EML5: variants seen among roughly 807,000 people sequenced by gnomAD.
EML5 encodes the protein echinoderm microtubule-associated protein-like 5.
EML5 carries 120 observed loss-of-function variants against 250.0 expected under a neutral mutation model. That is an observed-to-expected ratio of 0.48 (90% CI 0.41 to 0.56). EML5 has a LOEUF of 0.56. Among genes scored for constraint, EML5 ranks in the 20% least tolerant of loss-of-function variants. The pLI, the probability that EML5 is intolerant of heterozygous loss-of-function variation, is 0.00. For missense variants in EML5, 2,006 were observed against 2,437.6 expected, an observed-to-expected ratio of 0.82 and a Z score of 3.73; for synonymous variants, 771 against 806.5, an observed-to-expected ratio of 0.96 and a Z score of 0.75.
At chr14:88,656,839 G>A (rs2091890828) in intron 27 of EML5, among the ~76,000 whole-genome samples, 2 of 152,054 alleles carry the variant, frequency 1.3e-5, no homozygotes. Flanking sequence ...AAAGTACTCG[G>A]TATTGGATTC....
At chr14:88,637,554 C>T (rs372332334) in intron 32 of EML5, among the ~76,000 whole-genome samples, 47 of 152,262 alleles carry the variant, frequency 3.1e-4, no homozygotes, top group African/African-American at 1.0e-3. Flanking sequence ...ATTTGCAGAA[C>T]GTAAATCCCA....
At chr14:88,666,995 A>G (rs2092326414) in intron 21 of EML5, among the ~76,000 whole-genome samples, 1 of 151,986 alleles carries the variant, frequency 6.6e-6, no homozygotes, top group Non-Finnish European at 1.5e-5. Context: ...GGATTTGGAT[A>G]TATTTCAAAG....
At chr14:88,637,321 G>A (rs1482204702) in intron 32 of EML5, among the ~76,000 whole-genome samples, 1 of 151,926 alleles carries the variant, frequency 6.6e-6, no homozygotes, top group African/African-American at 2.4e-5. Context: ...GAAAGAGGAG[G>A]GATATAATTA....
chr14:88,789,978 C>A (rs2094589428), intron 1 of EML5, among the ~76,000 whole-genome samples: 1 of 152,212 alleles, frequency 6.6e-6, no homozygotes, highest in Admixed American at 6.5e-5. Flanking sequence ...CATTGGTTTT[C>A]ACTATGCATC....
intron 1 of EML5, among the ~76,000 whole-genome samples, chr14:88,788,890 T>C (rs1438526124): frequency 8.9e-6 from 1 of 112,264 alleles, no homozygotes; most frequent in East Asian, 3.7e-4. Context: ...AGAGACCCCA[T>C]CTTTACCGAA....
rs74755567 is a variant in EML5, at chr14:88,717,326, C to A, written c.1188-2131G>T. Among the ~76,000 whole-genome samples the A allele has an allele frequency of 0.014, 2,140 of 152,260 alleles. 115 individuals are homozygous for A. In the East Asian group the frequency reaches 0.19, roughly 14 times the overall value. The stretch of plus-strand genomic sequence containing the variant: ...AGTTGAATGGACACAAACAAGGGGA[C>A]TTTGGTGTGAACTCAGTCTGCTGAG... On this transcript the variant is annotated intron_variant, in intron 8 of 43. Transcript: ENST00000554922.
Position 88,714,996 on chromosome 14 carries a change from T to C in EML5, c.1387A>G (p.Ser463Gly), listed in dbSNP as rs927246983. ...CCATCATTTGTCTGCAAATATCTAC[T>C]GTCTGAAGACCAGTCCAGATGAGTG... ...FITHLDWSSD[S>G]RYLQTNDGNG... The change falls in exon 9 of 44, where the codon AGT (serine) becomes GGT (glycine). Residue 463 changes from serine (S) to glycine (G), a missense_variant. Coordinates refer to ENST00000554922, the MANE Select transcript of EML5 (RefSeq NM_183387.3). The C allele has an allele frequency of 4.3e-6, 7 of 1,613,682 alleles. No homozygotes were observed. Among genetic ancestry groups the C allele is most frequent in the African/African-American group, 1.3e-5 (1 of 74,934 alleles).
chr14:88,682,422 G>A (rs954438183), intron 20 of EML5, among the ~76,000 whole-genome samples: 1 of 149,930 alleles, frequency 6.7e-6, no homozygotes, highest in South Asian at 2.1e-4. Flanking sequence ...AAAAAAAAAC[G>A]CAAGCATTTA....
intron 6 of EML5, among the ~76,000 whole-genome samples, chr14:88,737,694 T>C (rs958601848): frequency 2.0e-5 from 3 of 152,258 alleles, no homozygotes; most frequent in African/African-American, 7.2e-5. Context: ...ATTGTCCATG[T>C]TGTTTTCTAC....
At chr14:88,616,361 A>C in intron 42 of EML5, 119 bp from the exon 43 acceptor site, 1 of 965,096 alleles carries the variant, frequency 1.0e-6, no homozygotes, top group Non-Finnish European at 1.6e-6. Context: ...TTAGCACCGC[A>C]GCCAGTGATT....
chr14:88,651,478 G>A (rs189441742), intron 27 of EML5, among the ~76,000 whole-genome samples: 50 of 151,956 alleles, frequency 3.3e-4, no homozygotes, highest in Non-Finnish European at 5.7e-4. Context: ...GTGTTTTACC[G>A]TGAATGAAGC....
At chr14:88,757,221 G>C (rs959841095) in intron 1 of EML5, among the ~76,000 whole-genome samples, 1 of 152,046 alleles carries the variant, frequency 6.6e-6, no homozygotes, top group East Asian at 1.9e-4. Flanking sequence ...AATTCAATGG[G>C]GGATAAAATG....
Position 88,726,647 on chromosome 14 carries a change from C to T in EML5, c.1081G>A (p.Ala361Thr). The T allele has an allele frequency of 6.4e-7, 1 of 1,560,542 alleles. No individual in the cohort carries two copies. Reference sequence around the variant, plus strand: ...ATTGGTTCTTCCATATTACACCTTGCTATTAATGCATGATCTACTAGGCTC... The same window carrying T: ...ATTGGTTCTTCCATATTACACCTTGTTATTAATGCATGATCTACTAGGCTC... Reference protein sequence around the residue: ...IWSLVDHALIARCNMEEPIRC... With the variant: ...IWSLVDHALITRCNMEEPIRC... The change falls in exon 8 of 44, where the codon GCA becomes ACA. Residue 361 changes from alanine to threonine, a missense_variant. By Grantham distance (58) the Ala-to-Thr change is moderately conservative. Coordinates refer to ENST00000554922, the MANE Select transcript of EML5 (RefSeq NM_183387.3).
At chr14:88,765,170 C>T (rs1179225240) in intron 1 of EML5, among the ~76,000 whole-genome samples, 1 of 152,176 alleles carries the variant, frequency 6.6e-6, no homozygotes, top group Non-Finnish European at 1.5e-5. Flanking sequence ...AGCTTATTAT[C>T]TCCCAGTTCT....
At position 88,616,159 on chromosome 14, in the gene EML5, A is replaced by G. The variant is rs745892522; in HGVS notation, c.5880T>C (p.Ala1960=). 6.2e-7 allele frequency: 1 copy of G among 1,613,788 alleles called. No individual in the cohort carries two copies. The highest frequency in any genetic ancestry group is 8.5e-7 in the Non-Finnish European group (1 of 1,179,814). ...TTACTAACCTGCAGTCATCACCTCC[A>G]GCACTAACAACATGTCGATCACCAC... The part of the protein sequence containing the change: ...FTSGDRHVVS[A]GGDDCSLFVW... Residue 1960 remains alanine, a synonymous_variant, in exon 43 of 44, where the codon GCT becomes GCC. Transcript: ENST00000554922.
intron 11 of EML5, among the ~76,000 whole-genome samples, chr14:88,706,058 T>A (rs2093312312): frequency 6.6e-6 from 1 of 152,166 alleles, no homozygotes; most frequent in African/African-American, 2.4e-5. Flanking sequence ...TAAAACGCAA[T>A]CAAAATTACT....
Position 88,792,781 on chromosome 14 carries a change from T to C in EML5, c.-278A>G. 1 of 1,018,948 alleles carries C rather than the reference T, an allele frequency of 9.8e-7. No individual in the cohort carries two copies. Among genetic ancestry groups the C allele is most frequent in the Non-Finnish European group, 1.2e-6 (1 of 850,922 alleles). The allele number at this position is 1,018,948 out of a possible 1,614,324, so 63.1% of individuals were successfully genotyped here. A position where few individuals can be genotyped will look rare whatever the true frequency, so the allele number is the denominator to read the frequency against. On this transcript the variant is annotated 5_prime_UTR_variant, in exon 1 of 44. Transcript: ENST00000554922. This position sits in a 1 kb window ranked among gnomAD's most constrained non-coding sequence, Gnocchi z 6.9. ...CCTTCGCCCGCCTCGGCTCGCCTAGTCTCCTCAGCCCGTAGCGCCTGGGCC... is the reference window on the plus strand; with the variant it reads ...CCTTCGCCCGCCTCGGCTCGCCTAGCCTCCTCAGCCCGTAGCGCCTGGGCC...
intron 4 of EML5, among the ~76,000 whole-genome samples, chr14:88,741,682 C>T (rs1364698750): frequency 6.6e-6 from 1 of 152,038 alleles, no homozygotes; most frequent in Non-Finnish European, 1.5e-5. Context: ...ATAGCTACTG[C>T]ACTCCAGCAT....
At chr14:88,728,864 TAAAC>T (rs752136969) in intron 7 of EML5, among the ~76,000 whole-genome samples, 14 of 152,220 alleles carry the variant, frequency 9.2e-5, no homozygotes, top group African/African-American at 2.6e-4. Flanking sequence ...ACATTATAAA[TAAAC>T]AAAGGCTACA....
Sources: gnomAD v4.1 joint callset for allele counts (sites outside exome capture counted in the v4.1 genomes callset) on GRCh38, gnomAD v4.1.1 for gene constraint, Gnocchi (gnomAD v3.1) non-coding constraint, MANE v1.5 for transcripts, NCBI Gene and HGNC (gene_info 2026-07-23, HGNC 2026-07-21) for gene names.